The following PLPPR1 variants were observed in gnomAD, a reference collection of about 807,000 sequenced individuals.
PLPPR1 encodes the protein phospholipid phosphatase-related protein type 1.
PLPPR1 carries 10 observed loss-of-function variants against 33.1 expected under a neutral mutation model. The ratio of observed to expected loss-of-function variants is 0.30; its 90% CI spans 0.19 to 0.51. The LOEUF is 0.51. Ranked by LOEUF, PLPPR1 falls within the 20% of genes least tolerant of loss-of-function variation. The pLI, the probability that PLPPR1 is intolerant of heterozygous loss-of-function variation, is 0.97. For synonymous variants in PLPPR1, 151 were observed against 151.0 expected, an observed-to-expected ratio of 1.00 and a Z score of 0.00; for missense variants, 304 against 408.1, an observed-to-expected ratio of 0.74 and a Z score of 2.20.
chr9:101,184,937 G>A (rs1006757732), intron 1 of PLPPR1: 1 of 152,048 alleles, frequency 6.6e-6, no homozygotes, highest in Admixed American at 6.6e-5. Context: ...GTGTATTCAA[G>A]AGAGCAAGGA....
chr9:101,220,645 G>T (rs1216873275), intron 2 of PLPPR1, among the ~76,000 whole-genome samples: 1 of 152,202 alleles, frequency 6.6e-6, no homozygotes, highest in Admixed American at 6.5e-5. Context: ...TGTGGTAGTA[G>T]TTCATGTCAT....
At chr9:101,197,538 T>C (rs565606787) in intron 2 of PLPPR1, among the ~76,000 whole-genome samples, 1 of 152,318 alleles carries the variant, frequency 6.6e-6, no homozygotes, top group South Asian at 2.1e-4. Context: ...GCAATAGATA[T>C]TGCAGGCTCC....
At chr9:101,079,596 T>C (rs77649778) in intron 1 of PLPPR1, among the ~76,000 whole-genome samples, 5 of 151,992 alleles carry the variant, frequency 3.3e-5, no homozygotes, top group Non-Finnish European at 7.4e-5. Context: ...TTTTTTTTTT[T>C]TGAGACAGAG....
At chr9:101,237,978 C>CATATAT (rs1464878741) in intron 2 of PLPPR1, among the ~76,000 whole-genome samples, 1 of 75,306 alleles carries the variant, frequency 1.3e-5, no homozygotes, top group African/African-American at 7.8e-5. Context: ...GGCTATATAG[C>CATATAT]CTATATATAT....
intron 2 of PLPPR1, among the ~76,000 whole-genome samples, chr9:101,208,739 T>C (rs1377923857): frequency 6.6e-6 from 1 of 152,218 alleles, no homozygotes; most frequent in Non-Finnish European, 1.5e-5. Flanking sequence ...ATGGAGCCTT[T>C]GGAGTGGTTT....
chr9:101,191,350 C>T (rs1041861653), intron 2 of PLPPR1, among the ~76,000 whole-genome samples: 1 of 152,086 alleles, frequency 6.6e-6, no homozygotes, highest in Non-Finnish European at 1.5e-5. Context: ...CTTAAACATA[C>T]CTCAAAAATT....
chr9:101,074,302 T>C (rs1830512298), intron 1 of PLPPR1, among the ~76,000 whole-genome samples: 1 of 152,134 alleles, frequency 6.6e-6, no homozygotes, highest in Non-Finnish European at 1.5e-5. Context: ...TTATTAGAAA[T>C]AGATCTAATA....
At chr9:101,122,408 C>T (rs1588036887) in intron 1 of PLPPR1, among the ~76,000 whole-genome samples, 1 of 152,114 alleles carries the variant, frequency 6.6e-6, no homozygotes, top group Non-Finnish European at 1.5e-5. Flanking sequence ...GTTCTAAGAG[C>T]TTTTTATCTC....
At chr9:101,258,339 A>G (rs1827837897) in intron 2 of PLPPR1, among the ~76,000 whole-genome samples, 1 of 152,174 alleles carries the variant, frequency 6.6e-6, no homozygotes, top group Non-Finnish European at 1.5e-5. Flanking sequence ...CAATTGTGTT[A>G]TAACACTGAT....
intron 4 of PLPPR1, among the ~76,000 whole-genome samples, chr9:101,308,637 T>G (rs1035349597): frequency 6.6e-6 from 1 of 151,860 alleles, no homozygotes; most frequent in Non-Finnish European, 1.5e-5. Context: ...TCAAGCAAAG[T>G]TTCTAGAATA....
At chr9:101,037,169 A>G (rs1172402849) in intron 1 of PLPPR1, among the ~76,000 whole-genome samples, 1 of 152,108 alleles carries the variant, frequency 6.6e-6, no homozygotes, top group Non-Finnish European at 1.5e-5. Flanking sequence ...CGGTACATTT[A>G]TCTTTTTCCA....
chr9:101,110,424 TC>T (rs1244230964), intron 1 of PLPPR1, among the ~76,000 whole-genome samples: 2 of 152,172 alleles, frequency 1.3e-5, no homozygotes, highest in Admixed American at 1.3e-4. Context: ...TTAAAAGGCA[TC>T]TATCCATTTA....
At chr9:101,199,362 G>A (rs1297751707) in intron 2 of PLPPR1, among the ~76,000 whole-genome samples, 3 of 152,122 alleles carry the variant, frequency 2.0e-5, no homozygotes, top group Admixed American at 1.3e-4. Flanking sequence ...CCTGTGGCAG[G>A]GGCTTGAAAA....
intron 2 of PLPPR1, among the ~76,000 whole-genome samples, chr9:101,267,271 A>G (rs1321710978): frequency 6.6e-6 from 1 of 152,246 alleles, no homozygotes; most frequent in Non-Finnish European, 1.5e-5. Flanking sequence ...GATTTTATAA[A>G]CTAGCTGCAA....
chr9:101,143,905 T>C lies in PLPPR1; in HGVS notation c.-45-41545T>C, dbSNP rs1831488437. Among the ~76,000 whole-genome samples, 4 of 152,144 alleles carry C rather than the reference T, an allele frequency of 2.6e-5. No individual in the cohort carries two copies. The South Asian group carries it at 8.3e-4, about 32-fold the overall frequency. ...CATGGATGTAGAACTAGAAATAACA[T>C]TTGACCCAGCCATCTCATTACTGGG... On this transcript the variant is annotated intron_variant, in intron 1 of 7. Transcript: ENST00000374874.
At chr9:101,168,693 G>C (rs1291581004) in intron 1 of PLPPR1, among the ~76,000 whole-genome samples, 1 of 152,080 alleles carries the variant, frequency 6.6e-6, no homozygotes, top group African/African-American at 2.4e-5. Flanking sequence ...TTATTGGATG[G>C]GTGGGTGAAT....
chr9:101,065,817 T>TA (rs900627839), intron 1 of PLPPR1, among the ~76,000 whole-genome samples: 256 of 152,058 alleles, frequency 1.7e-3, no homozygotes, highest in African/African-American at 5.8e-3. Context: ...TTCATTGACT[T>TA]AAAAAAAACT....
intron 1 of PLPPR1, among the ~76,000 whole-genome samples, chr9:101,156,552 C>CAAAAAAAAAAAAAAAAAAAAA (rs1162056636): frequency 2.8e-5 from 2 of 71,322 alleles, no homozygotes; most frequent in East Asian, 4.2e-4. Context: ...ACCCTGTCTC[C>CAAAAAAAAAAAAAAAAAAAAA]AAAAAAAAAA....
chr9:101,198,243 C>T (rs10118755), intron 2 of PLPPR1, among the ~76,000 whole-genome samples: 5,479 of 152,174 alleles, frequency 0.036, 346 homozygotes, highest in African/African-American at 0.13. Context: ...CTCCCATCCC[C>T]ATGAACCTAC....
Sources: allele counts gnomAD v4.1 joint callset (sites outside exome capture counted in the v4.1 genomes callset), GRCh38; gene constraint gnomAD v4.1.1; transcripts MANE v1.5; gene names NCBI Gene and HGNC (gene_info 2026-07-23, HGNC 2026-07-21).